PPFIA1: variants seen among roughly 807,000 people sequenced by gnomAD.
PPFIA1 encodes the protein liprin-alpha-1.
A neutral mutation model predicts 149.9 loss-of-function variants in PPFIA1; 25 were observed. The ratio of observed to expected loss-of-function variants is 0.17; its 90% CI spans 0.12 to 0.23. The LOEUF is 0.23. Among genes scored for constraint, PPFIA1 ranks in the 10% least tolerant of loss-of-function variants. The pLI is 1.00. For synonymous variants in PPFIA1, 549 were observed against 552.8 expected, an observed-to-expected ratio of 0.99 and a Z score of 0.10; for missense variants, 1,362 against 1,506.5, an observed-to-expected ratio of 0.90 and a Z score of 1.59.
chr11:70,319,365 C>G (rs924551289), intron 2 of PPFIA1, among the ~76,000 whole-genome samples: 1 of 152,234 alleles, frequency 6.6e-6, no homozygotes, highest in Non-Finnish European at 1.5e-5. Context: ...ACAGGCTGTT[C>G]TGAAGACAGC....
At chr11:70,293,076 C>T (rs1448797311) in intron 2 of PPFIA1, among the ~76,000 whole-genome samples, 1 of 152,206 alleles carries the variant, frequency 6.6e-6, no homozygotes, top group Non-Finnish European at 1.5e-5. Flanking sequence ...GCTATTCTGT[C>T]CCCAGTGTTG....
intron 19 of PPFIA1, among the ~76,000 whole-genome samples, chr11:70,357,668 G>A (rs2056422574): frequency 6.6e-6 from 1 of 150,856 alleles, no homozygotes; most frequent in Non-Finnish European, 1.5e-5. Context: ...TTCACTGCAA[G>A]CTCTGCCTCC....
chr11:70,379,619 A>G (rs961657224), intron 26 of PPFIA1, among the ~76,000 whole-genome samples: 1 of 151,382 alleles, frequency 6.6e-6, no homozygotes, highest in Non-Finnish European at 1.5e-5. Context: ...TCTAAAAAAA[A>G]AAAAATAATA....
chr11:70,356,079 C>A, intron 18 of PPFIA1, 82 bp from the exon 19 acceptor site: 1 of 1,173,648 alleles, frequency 8.5e-7, no homozygotes, highest in Non-Finnish European at 1.3e-6. Context: ...TCTGAACCTG[C>A]AAATATTCAT....
Position 70,356,230 on chromosome 11 carries a change from A to T in PPFIA1, c.2558A>T (p.Glu853Val). 1 of 1,613,578 alleles carries T rather than the reference A, an allele frequency of 6.2e-7. No individual in the cohort carries two copies. The highest frequency in any genetic ancestry group is 2.2e-5 in the East Asian group (1 of 44,882). Reference sequence around the variant, plus strand: ...CTTAGCAAATTGGGGGGACAGGCTGAAAAAAATCGTAAACTTCAAAAAAAG... The same window carrying T: ...CTTAGCAAATTGGGGGGACAGGCTGTAAAAAATCGTAAACTTCAAAAAAAG... ...LGLSKLGGQA[E>V]KNRKLQKKHE... Residue 853 changes from glutamate to valine, a missense_variant, in exon 19 of 28, where the codon GAA becomes GTA. Around this residue, in one of 7 missense-constraint regions of PPFIA1, gnomAD observed 91 missense variants for 91.2 expected, o/e 1.00. Coordinates refer to ENST00000253925, the MANE Select transcript of PPFIA1 (RefSeq NM_003626.5).
chr11:70,374,711 G>C lies in PPFIA1; in HGVS notation c.3140-207G>C. 4 of 522,344 alleles carry C rather than the reference G, an allele frequency of 7.7e-6. No homozygotes were observed. In the South Asian group the frequency reaches 1.1e-4, roughly 14 times the overall value. The allele number at this position is 522,344 out of a possible 1,614,324, so 32.4% of individuals were successfully genotyped here. ...TCACTGGAAGGATGAGTTCTAATGG[G>C]AGAGTCTCCCTGAGAGTGGAGCAGG... is the stretch of plus-strand genomic sequence containing the variant. On this transcript the variant is annotated intron_variant, in intron 23 of 27. Coordinates refer to ENST00000253925, the MANE Select transcript of PPFIA1 (RefSeq NM_003626.5).
chr11:70,303,851 C>CA (rs1265364536), intron 2 of PPFIA1, among the ~76,000 whole-genome samples: 27 of 152,184 alleles, frequency 1.8e-4, no homozygotes, highest in African/African-American at 5.5e-4. Context: ...ACTAAAAATA[C>CA]AAAAATTAGC....
chr11:70,364,676 G>A (rs903066070), intron 21 of PPFIA1: 12 of 152,106 alleles, frequency 7.9e-5, no homozygotes, highest in African/African-American at 2.7e-4. Flanking sequence ...CCTGCCTCAG[G>A]AGCAGTGTCT....
rs1358155930 is a variant in PPFIA1, at chr11:70,270,692, A to G, written c.-223A>G. On this transcript the variant is annotated 5_prime_UTR_variant, in exon 1 of 28. Coordinates refer to ENST00000253925, the MANE Select transcript of PPFIA1 (RefSeq NM_003626.5). ...GACGCGCTCGACGTCGGGCACGTAG[A>G]CGCCGGCGCCGCGCAGCCGGGCCCG... is the stretch of plus-strand genomic sequence containing the variant. The G allele has an allele frequency of 6.6e-6, 1 of 150,708 alleles. No homozygotes were observed. Among genetic ancestry groups the G allele is most frequent in the South Asian group, 2.1e-4 (1 of 4,776 alleles). 9.3% of individuals were successfully genotyped at this position (150,708 alleles called of 1,614,324 possible).
intron 21 of PPFIA1, among the ~76,000 whole-genome samples, chr11:70,369,979 G>C (rs1163234717): frequency 1.3e-5 from 2 of 151,088 alleles, no homozygotes; most frequent in East Asian, 3.9e-4. Context: ...TTGAGATGGG[G>C]CCTCGCTCTG....
chr11:70,279,169 G>A (rs192041322), intron 2 of PPFIA1: 5 of 482,876 alleles, frequency 1.0e-5, no homozygotes, highest in Admixed American at 8.8e-5. Flanking sequence ...ACACGTCCAG[G>A]ACTGATTGTC....
rs1317850720 is a variant in PPFIA1, at chr11:70,332,158, CTTGT to C, written c.1212+69_1212+72del. 4 of 1,489,408 alleles carry C rather than the reference CTTGT, an allele frequency of 2.7e-6. No individual in the cohort carries two copies. The African/African-American group carries it at 5.7e-5, about 21-fold the overall frequency. 92.3% of individuals were successfully genotyped at this position (1,489,408 alleles called of 1,614,324 possible). A position where few individuals can be genotyped will look rare whatever the true frequency, so the allele number is the denominator to read the frequency against. On this transcript the variant is annotated intron_variant, in intron 9 of 27. Coordinates refer to ENST00000253925, the MANE Select transcript of PPFIA1 (RefSeq NM_003626.5). ...CTGTGACTGTGCCTTGCCTGTGTAC[CTTGT>C]TTGTCACTGTTCTTATTACATCAGC...
chr11:70,332,897 T>C, intron 9 of PPFIA1: 1 of 398,772 alleles, frequency 2.5e-6, no homozygotes, highest in South Asian at 1.8e-5. Context: ...CTCACACACC[T>C]GTTCCTTCTA....
intron 5 of PPFIA1, 77 bp from the exon 6 acceptor site, chr11:70,326,185 C>A: frequency 1.2e-6 from 1 of 839,108 alleles, no homozygotes. Context: ...TGTGTTTTTC[C>A]AAAAGGAGTT....
At chr11:70,301,241 G>T (rs554761733) in intron 2 of PPFIA1, among the ~76,000 whole-genome samples, 6 of 152,272 alleles carry the variant, frequency 3.9e-5, no homozygotes, top group Middle Eastern at 3.4e-3. Flanking sequence ...TACCATGCTA[G>T]CCTGCACAAA....
intron 10 of PPFIA1, among the ~76,000 whole-genome samples, 183 bp from the exon 11 acceptor site, chr11:70,335,380 G>A (rs776478978): frequency 4.6e-5 from 7 of 152,242 alleles, no homozygotes; most frequent in East Asian, 1.9e-4. Flanking sequence ...GACTTGTCCC[G>A]TGCTCCCTGT....
At chr11:70,379,817 A>G (rs2057638109) in intron 26 of PPFIA1, among the ~76,000 whole-genome samples, 1 of 152,208 alleles carries the variant, frequency 6.6e-6, no homozygotes, top group Non-Finnish European at 1.5e-5. Context: ...TTTAGTAAAA[A>G]GCTGTATTAT....
intron 2 of PPFIA1, among the ~76,000 whole-genome samples, chr11:70,276,474 A>G (rs2050387369): frequency 6.6e-6 from 1 of 152,132 alleles, no homozygotes; most frequent in African/African-American, 2.4e-5. Flanking sequence ...AGAAAGATTG[A>G]CTTATAATTT....
rs1183625783 is a variant in PPFIA1, at chr11:70,354,306, A to G, written c.2169A>G (p.Pro723=). The G allele has an allele frequency of 6.2e-7, 1 of 1,612,206 alleles. No homozygotes were observed. Among genetic ancestry groups the G allele is most frequent in the African/African-American group, 1.3e-5 (1 of 74,914 alleles). The change falls in exon 17 of 28, where the codon CCA becomes CCG. Residue 723 remains proline (P), a synonymous_variant. Coordinates refer to ENST00000253925, the MANE Select transcript of PPFIA1 (RefSeq NM_003626.5). ...GCACTTCTCTCACCCCTCAGTTGCC[A>G]CCTTCCAGAGAAGAGGTACGAGATG... is the stretch of plus-strand genomic sequence containing the variant. ...VDRLGVMTLL[P]PSREEVRDDK...
Sources: gnomAD v4.1 joint callset for allele counts (sites outside exome capture counted in the v4.1 genomes callset) on GRCh38, gnomAD v4.1.1 for gene constraint, gnomAD v4.1.1 regional missense constraint, MANE v1.5 for transcripts, NCBI Gene and HGNC (gene_info 2026-07-23, HGNC 2026-07-21) for gene names.